The following ALPK1 variants were observed in gnomAD, a reference collection of about 807,000 sequenced individuals.
ALPK1 encodes the protein alpha kinase 1.
A neutral mutation model predicts 120.6 loss-of-function variants in ALPK1; 110 were observed. The ratio of observed to expected loss-of-function variants is 0.91; its 90% CI spans 0.78 to 1.07. ALPK1 has a LOEUF of 1.07. Among genes scored for constraint, ALPK1 ranks in the 50% least tolerant of loss-of-function variants. The pLI, the probability that ALPK1 is intolerant of heterozygous loss-of-function variation, is 0.00. For missense variants in ALPK1, 1,498 were observed against 1,483.9 expected (o/e 1.01, Z -0.16); for synonymous variants, 582 against 560.3 (o/e 1.04, Z -0.55).
chr4:112,430,962 G>A lies in ALPK1; in HGVS notation c.1415G>A (p.Ser472Asn), dbSNP rs1161600243. ...HHTSVCEVFE[S>N]DCGNNKNEQK... The stretch of plus-strand genomic sequence containing the variant: ...ACTTCGGTGTGTGAAGTATTTGAAA[G>A]TGATTGTGGAAACAACAAAAATGAA... The change falls in exon 11 of 16, where the codon AGT (serine) becomes AAT (asparagine). Residue 472 changes from serine to asparagine, a missense_variant. Transcript: ENST00000650871. 4 of 1,613,964 alleles carry A rather than the reference G, an allele frequency of 2.5e-6. No individual in the cohort carries two copies. Among genetic ancestry groups the A allele is most frequent in the Non-Finnish European group, 2.5e-6 (3 of 1,179,846 alleles).
intron 1 of ALPK1, 88 bp downstream of exon 1, chr4:112,297,557 C>T (rs1417237951): frequency 4.6e-5 from 7 of 151,344 alleles, no homozygotes; most frequent in Non-Finnish European, 7.4e-5. Context: ...CAGTTTCCAT[C>T]TGCTGATCTT....
At chr4:112,359,912 A>T (rs947089413) in intron 2 of ALPK1, 2 of 186,180 alleles carry the variant, frequency 1.1e-5, no homozygotes, top group African/African-American at 4.8e-5. Flanking sequence ...AGAATAGGCC[A>T]GAGAACACTT....
intron 2 of ALPK1, among the ~76,000 whole-genome samples, chr4:112,322,523 C>T (rs1728906928): frequency 6.6e-6 from 1 of 152,162 alleles, no homozygotes; most frequent in South Asian, 2.1e-4. Flanking sequence ...ATTTTTTGAG[C>T]ACCTACTATG....
intron 2 of ALPK1, among the ~76,000 whole-genome samples, chr4:112,329,316 A>G (rs1729257759): frequency 6.6e-6 from 1 of 152,224 alleles, no homozygotes; most frequent in Non-Finnish European, 1.5e-5. Context: ...AGTCCAATCC[A>G]TTTATTTTTA....
At chr4:112,346,710 A>G (rs1382793938) in intron 2 of ALPK1, among the ~76,000 whole-genome samples, 1 of 152,254 alleles carries the variant, frequency 6.6e-6, no homozygotes, top group Non-Finnish European at 1.5e-5. Flanking sequence ...TTATGATTTC[A>G]GGGTAAGACA....
chr4:112,366,560 G>A (rs145851097), intron 2 of ALPK1, among the ~76,000 whole-genome samples: 1 of 152,272 alleles, frequency 6.6e-6, no homozygotes, highest in South Asian at 2.1e-4. Flanking sequence ...ATAGATGTTG[G>A]CATGGATGTG....
intron 8 of ALPK1, among the ~76,000 whole-genome samples, chr4:112,427,263 T>A (rs1183267263): frequency 1.3e-5 from 2 of 152,198 alleles, no homozygotes; most frequent in African/African-American, 4.8e-5. Flanking sequence ...TTTAAAAATA[T>A]CTCCAAGTCA....
chr4:112,430,318 G>A lies in ALPK1; in HGVS notation c.901-130G>A, dbSNP rs1208136418. On this transcript the variant is annotated intron_variant, in intron 10 of 15. Coordinates refer to ENST00000650871, the MANE Select transcript of ALPK1 (RefSeq NM_025144.4). ...AATGTTTGCCTGTATATTTTCCTTA[G>A]AATGTATGTGGCATGTGTTCATTTT... is the stretch of plus-strand genomic sequence containing the variant. 10 of 918,104 alleles carry A rather than the reference G, an allele frequency of 1.1e-5. No homozygotes were observed. In the African/African-American group the frequency reaches 1.3e-4, roughly 12 times the overall value. 56.9% of individuals were successfully genotyped at this position (918,104 alleles called of 1,614,324 possible).
chr4:112,333,058 C>T lies in ALPK1; in HGVS notation c.-101+17206C>T, dbSNP rs749351083. ...AGTAAGAGACTATGAGACTGTGGTC[C>T]CTCAAGCCACACTTCTATTTGCTAG... On this transcript the variant is annotated intron_variant, in intron 2 of 15. Transcript: ENST00000650871. 3.9e-4 allele frequency among the ~76,000 whole-genome samples: 59 copies of T among 152,096 alleles called. 1 individual carries two copies. Among genetic ancestry groups the T allele is most frequent in the Non-Finnish European group, 6.8e-4 (46 of 68,008 alleles).
intron 1 of ALPK1, among the ~76,000 whole-genome samples, chr4:112,305,733 C>T (rs902804389): frequency 6.6e-6 from 1 of 152,000 alleles, no homozygotes; most frequent in Non-Finnish European, 1.5e-5. Flanking sequence ...AATTGAATAC[C>T]CTTTATGTCT....
chr4:112,404,321 T>C (rs1733068438), intron 4 of ALPK1, among the ~76,000 whole-genome samples: 2 of 152,162 alleles, frequency 1.3e-5, no homozygotes, highest in African/African-American at 4.8e-5. Flanking sequence ...CTTCTTTCCA[T>C]TTTTTTCATG....
chr4:112,373,269 G>C (rs796160482), intron 2 of ALPK1, among the ~76,000 whole-genome samples: 9 of 152,236 alleles, frequency 5.9e-5, no homozygotes, highest in African/African-American at 2.2e-4. Flanking sequence ...TCTTTTATCA[G>C]CTCACTGCGG....
chr4:112,438,700 A>C, intron 13 of ALPK1, 54 bp downstream of exon 13: 1 of 1,569,598 alleles, frequency 6.4e-7, no homozygotes, highest in Non-Finnish European at 8.7e-7. Context: ...CTTGAATATC[A>C]ATTAATCTGA....
intron 5 of ALPK1, among the ~76,000 whole-genome samples, chr4:112,420,832 A>G (rs1391917060): frequency 2.8e-5 from 4 of 144,226 alleles, no homozygotes; most frequent in African/African-American, 7.5e-5. Context: ...TCATACATAC[A>G]TAGAGAGAAA....
Position 112,431,920 on chromosome 4 carries a change from A to C in ALPK1, c.2373A>C (p.Thr791=). 1 of 1,614,100 alleles carries C rather than the reference A, an allele frequency of 6.2e-7. No individual in the cohort carries two copies. The highest frequency in any genetic ancestry group is 8.5e-7 in the Non-Finnish European group (1 of 1,180,048). ...CCTGGGTTGACCCAGAAGGAGAAAC[A>C]GCAGAAAGCACTGAAGATGCACCCT... is the stretch of plus-strand genomic sequence containing the variant. ...SPSWVDPEGE[T]AESTEDAPLD... is the part of the protein sequence containing the mutation. Residue 791 remains threonine, a synonymous_variant, in exon 11 of 16, where the codon ACA becomes ACC. Transcript: ENST00000650871.
chr4:112,317,444 A>T (rs949955896), intron 2 of ALPK1, among the ~76,000 whole-genome samples: 2 of 152,110 alleles, frequency 1.3e-5, no homozygotes, highest in Non-Finnish European at 1.5e-5. Flanking sequence ...GTCTCACTTC[A>T]TTCTTCTGTA....
chr4:112,436,734 G>A (rs1249311797), intron 12 of ALPK1, among the ~76,000 whole-genome samples: 1 of 152,128 alleles, frequency 6.6e-6, no homozygotes, highest in East Asian at 1.9e-4. Flanking sequence ...GACTACTATA[G>A]GCTTCAGAAC....
chr4:112,312,429 C>A (rs1431308766), intron 1 of ALPK1, among the ~76,000 whole-genome samples: 1 of 152,076 alleles, frequency 6.6e-6, no homozygotes, highest in African/African-American at 2.4e-5. Flanking sequence ...CCCGCCACCA[C>A]GCCTGGCTAA....
intron 2 of ALPK1, among the ~76,000 whole-genome samples, chr4:112,331,126 G>T (rs1267081375): frequency 6.6e-6 from 1 of 152,138 alleles, no homozygotes; most frequent in Non-Finnish European, 1.5e-5. Context: ...TGTGGTAAGG[G>T]GAACTTCATG....
Sources: gnomAD v4.1 joint callset for allele counts (sites outside exome capture counted in the v4.1 genomes callset) on GRCh38, gnomAD v4.1.1 for gene constraint, MANE v1.5 for transcripts, NCBI Gene and HGNC (gene_info 2026-07-23, HGNC 2026-07-21) for gene names.